The following TCF12 variants were observed in gnomAD, a reference collection of about 807,000 sequenced individuals.
TCF12 encodes the protein DNA-binding protein HTF4.
In TCF12, 45 loss-of-function variants were observed where a neutral mutation model predicts 86.0. The ratio of observed to expected loss-of-function variants is 0.52; its 90% CI spans 0.41 to 0.67. TCF12 has a LOEUF of 0.67. Ranked by LOEUF, TCF12 falls within the 30% of genes least tolerant of loss-of-function variation. TCF12 has a pLI of 0.00. For synonymous variants in TCF12, 330 were observed against 299.6 expected, an observed-to-expected ratio of 1.10 and a Z score of -1.05; for missense variants, 881 against 859.9, an observed-to-expected ratio of 1.02 and a Z score of -0.31.
At chr15:56,991,000 T>C (rs2063431279) in intron 3 of TCF12, among the ~76,000 whole-genome samples, 1 of 152,014 alleles carries the variant, frequency 6.6e-6, no homozygotes, top group African/African-American at 2.4e-5. Flanking sequence ...CTCACCATGT[T>C]GCCCAGGCTG....
intron 3 of TCF12, among the ~76,000 whole-genome samples, chr15:56,957,358 A>G (rs1285256193): frequency 6.6e-6 from 1 of 152,218 alleles, no homozygotes; most frequent in Admixed American, 6.5e-5. Context: ...AATTATATAT[A>G]TATAGAAGAA....
intron 3 of TCF12, among the ~76,000 whole-genome samples, chr15:56,976,493 T>C (rs372370789): frequency 4.9e-4 from 75 of 152,068 alleles, no homozygotes; most frequent in African/African-American, 1.7e-3. Flanking sequence ...CGCCTCGGCC[T>C]CCCAAAGTGC....
chr15:57,063,787 A>G lies in TCF12; in HGVS notation c.186A>G (p.Thr62=). 6.2e-7 allele frequency: 1 copy of G among 1,603,066 alleles called. No homozygotes were observed. Among genetic ancestry groups the G allele is most frequent in the South Asian group, 1.1e-5 (1 of 89,870 alleles). The change falls in exon 4 of 21, where the codon ACA becomes ACG. Residue 62 remains threonine, a synonymous_variant. Transcript: ENST00000333725. The part of the protein sequence containing the change: ...DERGGTTSWG[T]SGQPSPSYDS... ...GAGGAGGTACAACATCTTGGGGAAC[A>G]AGTGGTCAACCAAGTCCTTCCTATG...
chr15:57,140,725 T>C (rs1210616200), intron 5 of TCF12, among the ~76,000 whole-genome samples: 1 of 152,184 alleles, frequency 6.6e-6, no homozygotes, highest in African/African-American at 2.4e-5. Context: ...ATAAACAAAA[T>C]TATTTTATTT....
At chr15:57,130,682 CT>C (rs1207626190) in intron 5 of TCF12, among the ~76,000 whole-genome samples, 3 of 151,816 alleles carry the variant, frequency 2.0e-5, no homozygotes, top group Non-Finnish European at 4.4e-5. Context: ...TAAAGAGATT[CT>C]TTTTTTTCTG....
intron 8 of TCF12, among the ~76,000 whole-genome samples, chr15:57,216,135 A>AT (rs2058322044): frequency 6.6e-6 from 1 of 152,162 alleles, no homozygotes; most frequent in Admixed American, 6.5e-5. Flanking sequence ...TAACATCCTG[A>AT]TAACATTTGG....
chr15:57,088,032 T>A (rs1274526568), intron 4 of TCF12, among the ~76,000 whole-genome samples: 2 of 152,108 alleles, frequency 1.3e-5, no homozygotes, highest in East Asian at 3.8e-4. Context: ...TGCAGCATGA[T>A]CATTGTATAT....
At chr15:57,190,002 C>T (rs543918941) in intron 6 of TCF12, among the ~76,000 whole-genome samples, 1 of 152,194 alleles carries the variant, frequency 6.6e-6, no homozygotes, top group African/African-American at 2.4e-5. Flanking sequence ...TTGTATGAGT[C>T]CAATTGTGTG....
intron 5 of TCF12, among the ~76,000 whole-genome samples, chr15:57,092,504 A>G (rs1436873200): frequency 1.3e-5 from 2 of 152,174 alleles, no homozygotes; most frequent in Admixed American, 1.3e-4. Context: ...GCTCTGCAAA[A>G]CACCCCTCCT....
intron 5 of TCF12, among the ~76,000 whole-genome samples, chr15:57,160,986 G>A (rs780400610): frequency 1.3e-5 from 2 of 152,010 alleles, no homozygotes; most frequent in South Asian, 2.1e-4. Flanking sequence ...CACAGCACCC[G>A]GCCAGAAGCT....
At chr15:57,264,111 TTCTGAC>T (rs1400867700) in intron 18 of TCF12, among the ~76,000 whole-genome samples, 1 of 151,768 alleles carries the variant, frequency 6.6e-6, no homozygotes, top group African/African-American at 2.4e-5. Context: ...ATTTTTAACT[TTCTGAC>T]TCTTGTAATA....
chr15:57,290,199 C>G (rs775330033), downstream of TCF12, among the ~76,000 whole-genome samples: 8 of 151,996 alleles, frequency 5.3e-5, no homozygotes, highest in African/African-American at 9.7e-5. Flanking sequence ...AAAAATTAGC[C>G]AGCTATGGTG....
intron 16 of TCF12, among the ~76,000 whole-genome samples, chr15:57,261,760 T>C (rs1203299692): frequency 7.2e-5 from 1 of 13,952 alleles, no homozygotes; most frequent in Non-Finnish European, 1.2e-4. Flanking sequence ...GATTTTCAGA[T>C]TGATTTATAA....
chr15:57,059,899 A>G (rs2141679368), intron 3 of TCF12, among the ~76,000 whole-genome samples: 1 of 152,160 alleles, frequency 6.6e-6, no homozygotes, highest in Non-Finnish European at 1.5e-5. Flanking sequence ...ATGAAAGGGA[A>G]GAAGTAGGAG....
chr15:56,984,014 A>AAAAAAAAAAAAAAAAAAAAAAAAAGAAG (rs777234282), intron 3 of TCF12, among the ~76,000 whole-genome samples: 9 of 104,448 alleles, frequency 8.6e-5, no homozygotes, highest in Non-Finnish European at 1.1e-4. Context: ...AAAAAAAAAA[A>AAAAAAAAAAAAAAAAAAAAAAAAAGAAG]AAGAAGAAGA....
chr15:57,095,319 C>A (rs1218117709), intron 5 of TCF12, among the ~76,000 whole-genome samples: 1 of 152,124 alleles, frequency 6.6e-6, no homozygotes, highest in African/African-American at 2.4e-5. Context: ...CATTTCTCCA[C>A]CCTTGATCCT....
chr15:56,919,234 G>A (rs775497246), intron 1 of TCF12: 1 of 152,222 alleles, frequency 6.6e-6, no homozygotes, highest in African/African-American at 2.4e-5. Flanking sequence ...GGCAGGTCCG[G>A]GGCAGGGCAG....
chr15:57,130,018 T>C (rs1482772760), intron 5 of TCF12: 7 of 152,248 alleles, frequency 4.6e-5, no homozygotes, highest in Non-Finnish European at 7.3e-5. Context: ...TTTATATCTT[T>C]GCTGTAAAAG....
chr15:57,277,519 C>T (rs961887083), intron 19 of TCF12, among the ~76,000 whole-genome samples: 8 of 150,964 alleles, frequency 5.3e-5, no homozygotes, highest in African/African-American at 2.0e-4. Flanking sequence ...GTCCCAGCTA[C>T]TTGGGAGGCT....
Sources: allele counts gnomAD v4.1 joint callset (sites outside exome capture counted in the v4.1 genomes callset), GRCh38; gene constraint gnomAD v4.1.1; transcripts MANE v1.5; gene names NCBI Gene and HGNC (gene_info 2026-07-23, HGNC 2026-07-21).